RTTN: variants seen among roughly 807,000 people sequenced by gnomAD.
RTTN encodes the protein rotatin.
RTTN carries 182 observed loss-of-function variants against 269.2 expected under a neutral mutation model. The ratio of observed to expected loss-of-function variants is 0.68; its 90% CI spans 0.60 to 0.76. The LOEUF (loss-of-function observed/expected upper bound fraction) is 0.76, where lower values mean the gene tolerates loss of function less well. Among genes scored for constraint, RTTN ranks in the 30% least tolerant of loss-of-function variants. The pLI, the probability that RTTN is intolerant of heterozygous loss-of-function variation, is 0.00. For synonymous variants in RTTN, 1,006 were observed against 963.5 expected (o/e 1.04, Z -0.82); for missense variants, 2,545 against 2,608.6 (o/e 0.98, Z 0.53).
chr18:70,173,304 C>G (rs1255995713), intron 11 of RTTN, among the ~76,000 whole-genome samples: 1 of 151,886 alleles, frequency 6.6e-6, no homozygotes, highest in Non-Finnish European at 1.5e-5. Flanking sequence ...ACCATCCTGG[C>G]TAACATGGTG....
At chr18:70,197,017 C>A (rs1341311059) in intron 6 of RTTN, among the ~76,000 whole-genome samples, 1 of 152,098 alleles carries the variant, frequency 6.6e-6, no homozygotes. Context: ...ACCATTTAAC[C>A]ACATTTTAGT....
rs283254 is a variant in RTTN, at chr18:70,203,992, G to A, written c.397+94C>T. On this transcript the variant is annotated intron_variant, in intron 3 of 48. Transcript: ENST00000640769. Reference sequence around the variant, plus strand: ...AAGAAAAATAAGTTTGGGGGAGGTGGGAGAAATCCTTTTTAAAAAAATCTA... The same window carrying A: ...AAGAAAAATAAGTTTGGGGGAGGTGAGAGAAATCCTTTTTAAAAAAATCTA... 38,487 of 969,908 alleles carry A rather than the reference G, an allele frequency of 0.04. 2,943 individuals carry two copies. Among genetic ancestry groups the A allele is most frequent in the African/African-American group, 0.29 (17,632 of 61,066 alleles). The allele number at this position is 969,908 out of a possible 1,614,324, so 60.1% of individuals were successfully genotyped here.
At chr18:70,066,585 A>G (rs980557860) in intron 34 of RTTN, among the ~76,000 whole-genome samples, 1 of 152,140 alleles carries the variant, frequency 6.6e-6, no homozygotes, top group African/African-American at 2.4e-5. Context: ...TAGTTGAAAA[A>G]CACTTATGTG....
At chr18:70,113,390 T>C (rs1049484711) in intron 27 of RTTN, among the ~76,000 whole-genome samples, 3 of 152,146 alleles carry the variant, frequency 2.0e-5, no homozygotes, top group African/African-American at 7.2e-5. Context: ...TAACAGGTGT[T>C]GGTGAGGATA....
chr18:70,112,954 CA>C (rs1300770528), intron 27 of RTTN, among the ~76,000 whole-genome samples: 1 of 152,054 alleles, frequency 6.6e-6, no homozygotes, highest in Non-Finnish European at 1.5e-5. Context: ...GAACGCAAAT[CA>C]TAACAAACAG....
In RTTN at chr18:70,139,709, T is replaced by C; in HGVS notation, c.2678A>G (p.Glu893Gly). The C allele has an allele frequency of 6.2e-7, 1 of 1,600,920 alleles. No individual in the cohort carries two copies. The highest frequency in any genetic ancestry group is 1.3e-5 in the African/African-American group (1 of 74,690). Residue 893 changes from glutamate to glycine, a missense_variant, in exon 21 of 49, where the codon GAA (glutamate) becomes GGA (glycine). Transcript: ENST00000640769. ...ECVSQDGKVVECLVQPCLTLL... is the reference protein window; with the variant it reads ...ECVSQDGKVVGCLVQPCLTLL... ...TGTGAGGCATGGTTGTACCAAACAT[T>C]CTACAACCTGGGCCAGGAGGAAAAA...
chr18:70,145,057 C>T (rs902552868), intron 18 of RTTN, among the ~76,000 whole-genome samples: 2 of 152,212 alleles, frequency 1.3e-5, no homozygotes, highest in African/African-American at 4.8e-5. Flanking sequence ...ATCTGAGCTC[C>T]ACCTCCTGTC....
chr18:70,040,634 TATTTACCGAAC>T lies in RTTN; in HGVS notation c.5541+7326_5541+7336del, dbSNP rs1482864962. 6.6e-5 allele frequency among the ~76,000 whole-genome samples: 10 copies of T among 152,204 alleles called. 1 individual carries two copies. The highest frequency in any genetic ancestry group is 6.5e-4 in the Admixed American group (10 of 15,284). ...CTAAAGACCAAACGGACCTAATAGA[TATTTACCGAAC>T]ATTTCATCTAATGGCTGCAGAATAC... On this transcript the variant is annotated intron_variant, in intron 40 of 48. Coordinates refer to ENST00000640769, the MANE Select transcript of RTTN (RefSeq NM_173630.4).
rs576286594 is a variant in RTTN, at chr18:70,158,522, G to A, written c.1929+7540C>T. Among the ~76,000 whole-genome samples, 8 of 152,220 alleles carry A rather than the reference G, an allele frequency of 5.3e-5. No individual in the cohort carries two copies. The South Asian group carries it at 1.4e-3, about 28-fold the overall frequency. ...AAAATACATCTCCCACTGACACTAT[G>A]ATGCAACTATACAATCAAGTCTACG... On this transcript the variant is annotated intron_variant, in intron 14 of 48. Transcript: ENST00000640769.
Position 70,193,401 on chromosome 18 carries a change from A to G in RTTN, c.894T>C (p.Thr298=). 6.2e-7 allele frequency: 1 copy of G among 1,604,568 alleles called. No individual in the cohort carries two copies. The highest frequency in any genetic ancestry group is 8.5e-7 in the Non-Finnish European group (1 of 1,176,368). The change falls in exon 8 of 49, where the codon ACT becomes ACC. Residue 298 remains threonine, a synonymous_variant. Transcript: ENST00000640769. ...SLSYCHEARG[T]HHSQNPSPGS... is the part of the protein sequence containing the mutation. ...CTGGGGAAGGATTCTGGGAATGATG[A>G]GTACCTCTTGCTTCATGACAATAAG...
intron 26 of RTTN, among the ~76,000 whole-genome samples, chr18:70,119,679 A>G (rs981277032): frequency 6.6e-6 from 1 of 152,216 alleles, no homozygotes; most frequent in Non-Finnish European, 1.5e-5. Context: ...GCACCTCTAC[A>G]ATTTGACTCA....
chr18:70,017,187 A>G (rs552491615), intron 46 of RTTN, among the ~76,000 whole-genome samples: 2 of 152,226 alleles, frequency 1.3e-5, no homozygotes, highest in East Asian at 3.9e-4. Flanking sequence ...GGTGTCCAGT[A>G]TGTGCACTGG....
intron 14 of RTTN, among the ~76,000 whole-genome samples, chr18:70,159,936 A>G (rs936412931): frequency 2.0e-5 from 3 of 152,060 alleles, no homozygotes; most frequent in African/African-American, 7.2e-5. Flanking sequence ...GTCATTAAAA[A>G]ATAAAAAAAG....
chr18:70,109,488 T>A lies in RTTN; in HGVS notation c.3903+10A>T, dbSNP rs2059404776. 2 of 1,610,232 alleles carry A rather than the reference T, an allele frequency of 1.2e-6. No homozygotes were observed. Among genetic ancestry groups the A allele is most frequent in the Non-Finnish European group, 1.7e-6 (2 of 1,176,434 alleles). ...ATAGTAAATAACTACCATATGCTATTTTTACTTACCTCAAGGAGACCTGAC... is the reference window on the plus strand; with the variant it reads ...ATAGTAAATAACTACCATATGCTATATTTACTTACCTCAAGGAGACCTGAC... On this transcript the variant is annotated intron_variant, in intron 28 of 48. Coordinates refer to ENST00000640769, the MANE Select transcript of RTTN (RefSeq NM_173630.4).
chr18:70,131,774 CAG>C (rs1443987504), intron 23 of RTTN: 1 of 150,798 alleles, frequency 6.6e-6, no homozygotes, highest in East Asian at 1.9e-4. Context: ...CAAGAAAAGC[CAG>C]AGAGGAAAAA....
chr18:70,168,714 G>C, intron 12 of RTTN, 141 bp downstream of exon 12: 1 of 607,376 alleles, frequency 1.6e-6, no homozygotes, highest in Non-Finnish European at 2.9e-6. Flanking sequence ...TAAATAACAG[G>C]TTATGTATAA....
chr18:70,044,490 C>T (rs1458703039), intron 40 of RTTN, among the ~76,000 whole-genome samples: 1 of 152,136 alleles, frequency 6.6e-6, no homozygotes, highest in Non-Finnish European at 1.5e-5. Flanking sequence ...TCCATTCCAA[C>T]ACCCCCAGTG....
chr18:70,196,586 C>A lies in RTTN; in HGVS notation c.756G>T (p.Ser252=). 6 of 1,596,826 alleles carry A rather than the reference C, an allele frequency of 3.8e-6. No homozygotes were observed. Among genetic ancestry groups the A allele is most frequent in the Non-Finnish European group, 4.3e-6 (5 of 1,174,662 alleles). The part of the protein sequence containing the change: ...GDGKHRLALQ[S]VSCLQQLCMY... ...TGCACAGCTGCTGCAGGCAGGACAC[C>A]GACTGTAATGCCAGGCGATGCTTTC... is the stretch of plus-strand genomic sequence containing the variant. The change falls in exon 7 of 49, where the codon TCG becomes TCT. Residue 252 remains serine, a synonymous_variant. Coordinates refer to ENST00000640769, the MANE Select transcript of RTTN (RefSeq NM_173630.4).
At chr18:70,040,713 CAT>C (rs2057315189) in intron 40 of RTTN, among the ~76,000 whole-genome samples, 2 of 152,122 alleles carry the variant, frequency 1.3e-5, no homozygotes, top group South Asian at 4.1e-4. Context: ...TAGGATATTC[CAT>C]ATGTTAGGTT....
Sources: allele counts gnomAD v4.1 joint callset (sites outside exome capture counted in the v4.1 genomes callset), GRCh38; gene constraint gnomAD v4.1.1; transcripts MANE v1.5; gene names NCBI Gene and HGNC (gene_info 2026-07-23, HGNC 2026-07-21).